PCDHGB7: variants seen among roughly 807,000 people sequenced by gnomAD.
PCDHGB7 encodes protocadherin gamma-B7.
Under a neutral mutation model 61.4 loss-of-function variants are expected in PCDHGB7, and 37 were observed. That is an observed-to-expected ratio of 0.60 (90% CI 0.46 to 0.79). The LOEUF (loss-of-function observed/expected upper bound fraction) is 0.79, where lower values mean the gene tolerates loss of function less well. PCDHGB7 is among the 30% of genes least tolerant of loss of function. The pLI is 0.00. For missense variants in PCDHGB7, 1,166 were observed against 1,202.5 expected, an observed-to-expected ratio of 0.97 and a Z score of 0.45; for synonymous variants, 464 against 503.5, an observed-to-expected ratio of 0.92 and a Z score of 1.05.
At position 141,476,242 on chromosome 5, in the gene PCDHGB7, G is replaced by A. The variant is rs369923405; in HGVS notation, c.2416-18565G>A. The A allele has an allele frequency of 6.2e-6, 10 of 1,614,100 alleles. No individual in the cohort carries two copies. The highest frequency in any genetic ancestry group is 8.5e-6 in the Non-Finnish European group (10 of 1,180,026). The stretch of plus-strand genomic sequence containing the variant: ...ACTATGAGATCCCGGAGGAAAGAGA[G>A]AAGGGTTTCGCTGTGGGCAACGTGG... On this transcript the variant is annotated intron_variant, in intron 1 of 3. Transcript: ENST00000398594. This position sits in a 1 kb window ranked among gnomAD's most constrained non-coding sequence, Gnocchi z 7.6.
chr5:141,438,583 CATACATACATATATAT>C (rs1183800202), intron 1 of PCDHGB7, among the ~76,000 whole-genome samples: 1 of 57,610 alleles, frequency 1.7e-5, no homozygotes, highest in African/African-American at 9.0e-5. Context: ...TACATACATA[CATACATACATATATAT>C]ATATATATAT....
rs2099750805 is a variant in PCDHGB7, at chr5:141,493,915, T to C, written c.2416-892T>C. ...TGCTCCATGAGAGTGTGTGATGGGA[T>C]AACACACCCCCTGGAAAGACCAGAA... On this transcript the variant is annotated intron_variant, in intron 1 of 3. Transcript: ENST00000398594. This position sits in a 1 kb window ranked among gnomAD's most constrained non-coding sequence, Gnocchi z 4.3. Among the ~76,000 whole-genome samples, 1 of 152,024 alleles carries C rather than the reference T, an allele frequency of 6.6e-6. No homozygotes were observed. Among genetic ancestry groups the C allele is most frequent in the African/African-American group, 2.4e-5 (1 of 41,386 alleles).
At chr5:141,484,392 T>G (rs1454201773) in intron 1 of PCDHGB7, among the ~76,000 whole-genome samples, 1 of 152,162 alleles carries the variant, frequency 6.6e-6, no homozygotes, top group African/African-American at 2.4e-5. Flanking sequence ...TAAGAAAGGT[T>G]TGGTTTCCGC....
intron 1 of PCDHGB7, among the ~76,000 whole-genome samples, chr5:141,449,753 C>T (rs1260240861): frequency 6.6e-6 from 1 of 151,246 alleles, no homozygotes; most frequent in East Asian, 1.9e-4. Context: ...ATTTTTATGA[C>T]ATTTGAGAGT....
intron 1 of PCDHGB7, among the ~76,000 whole-genome samples, chr5:141,473,195 C>T (rs1053769499): frequency 6.6e-6 from 1 of 152,104 alleles, no homozygotes; most frequent in African/African-American, 2.4e-5. Flanking sequence ...GTAAATGTAT[C>T]TTCTAAAAAA....
At chr5:141,471,046 C>CTTT (rs1170588345) in intron 1 of PCDHGB7, among the ~76,000 whole-genome samples, 3 of 113,252 alleles carry the variant, frequency 2.6e-5, no homozygotes, top group Non-Finnish European at 5.4e-5. Context: ...CCCAAGCCCT[C>CTTT]TTTTTTTTTT....
chr5:141,487,643 C>T lies in PCDHGB7; in HGVS notation c.2416-7164C>T. 1.2e-6 allele frequency: 2 copies of T among 1,614,104 alleles called. No homozygotes were observed. The highest frequency in any genetic ancestry group is 1.7e-6 in the Non-Finnish European group (2 of 1,179,986). Reference sequence around the variant, plus strand: ...GAGACCTTTGCAGGCTCAACAAATGCTTGAGGGTTATTCTGATCCAGGCAT... The same window carrying T: ...GAGACCTTTGCAGGCTCAACAAATGTTTGAGGGTTATTCTGATCCAGGCAT... On this transcript the variant is annotated intron_variant, in intron 1 of 3. Transcript: ENST00000398594. The surrounding 1 kb of genome is among the most constrained non-coding windows in gnomAD (Gnocchi z 5.0).
chr5:141,505,246 G>C, intron 2 of PCDHGB7, 147 bp from the exon 3 acceptor site: 2 of 1,436,674 alleles, frequency 1.4e-6, no homozygotes, highest in Non-Finnish European at 1.9e-6. Flanking sequence ...AAGGATTGTA[G>C]AAGTGCCTCC....
intron 1 of PCDHGB7, chr5:141,428,224 G>A (rs1232582892): frequency 1.7e-6 from 2 of 1,164,198 alleles, no homozygotes; most frequent in Non-Finnish European, 1.3e-6. Flanking sequence ...AGTCTTCGCA[G>A]ACAGCCTGCA....
At chr5:141,428,618 T>C (rs554092834) in intron 1 of PCDHGB7, 1 of 206,012 alleles carries the variant, frequency 4.9e-6, no homozygotes, top group African/African-American at 2.3e-5. Context: ...AATAACAAGA[T>C]AAGCTCTAAC....
chr5:141,460,791 C>A (rs2098997892), intron 1 of PCDHGB7, among the ~76,000 whole-genome samples: 1 of 151,666 alleles, frequency 6.6e-6, no homozygotes, highest in Non-Finnish European at 1.5e-5. Context: ...TATATACACA[C>A]AAAGTATATA....
At position 141,500,184 on chromosome 5, in the gene PCDHGB7, TTTTATTTATTTATTTA is replaced by T. The variant is rs58019021; in HGVS notation, c.2475-5182_2475-5167del. Among the ~76,000 whole-genome samples the T allele has an allele frequency of 2.1e-3, 289 of 135,964 alleles. 1 individual carries two copies. Among genetic ancestry groups the T allele is most frequent in the Middle Eastern group, 0.016 (4 of 248 alleles). The allele number at this position is 135,964 out of a possible 152,430, so 89.2% of individuals were successfully genotyped here. A position where few individuals can be genotyped will look rare whatever the true frequency, so the allele number is the denominator to read the frequency against. On this transcript the variant is annotated intron_variant, in intron 2 of 3. Coordinates refer to ENST00000398594, the MANE Select transcript of PCDHGB7 (RefSeq NM_018927.4). ...GAACATGCATGAGCTTCATTTTTAT[TTTTATTTATTTATTTA>T]TTTATTTATTTATTTATTTATTTAT...
chr5:141,476,597 G>C lies in PCDHGB7; in HGVS notation c.2416-18210G>C, dbSNP rs2099394582. On this transcript the variant is annotated intron_variant, in intron 1 of 3. Coordinates refer to ENST00000398594, the MANE Select transcript of PCDHGB7 (RefSeq NM_018927.4). The surrounding 1 kb of genome is among the most constrained non-coding windows in gnomAD (Gnocchi z 7.6). ...GCGCTTTCCGCTCGAGAGCGCGCAC[G>C]ATCCCGATGTGGGAAGCAACTCTTT... The C allele has an allele frequency of 1.2e-6, 2 of 1,614,112 alleles. No individual in the cohort carries two copies. The highest frequency in any genetic ancestry group is 1.7e-6 in the Non-Finnish European group (2 of 1,180,046).
Position 141,489,527 on chromosome 5 carries a change from G to A in PCDHGB7, c.2416-5280G>A. On this transcript the variant is annotated intron_variant, in intron 1 of 3. Coordinates refer to ENST00000398594, the MANE Select transcript of PCDHGB7 (RefSeq NM_018927.4). The surrounding 1 kb of genome is among the most constrained non-coding windows in gnomAD (Gnocchi z 4.5). The stretch of plus-strand genomic sequence containing the variant: ...CAAAAGATTGACCGAGAAAGCCTAT[G>A]TGGAGCCAGCACCAGCTGCCTGCTG... The A allele has an allele frequency of 1.9e-6, 3 of 1,614,152 alleles. No individual in the cohort carries two copies. Among genetic ancestry groups the A allele is most frequent in the East Asian group, 2.2e-5 (1 of 44,874 alleles).
chr5:141,479,574 T>A (rs1291334449), intron 1 of PCDHGB7: 1 of 152,228 alleles, frequency 6.6e-6, no homozygotes, highest in South Asian at 2.1e-4. Context: ...GGATGACATC[T>A]GTGAATAGCC....
In PCDHGB7 at chr5:141,486,341, C is replaced by T; in HGVS notation, c.2416-8466C>T. On this transcript the variant is annotated intron_variant, in intron 1 of 3. Coordinates refer to ENST00000398594, the MANE Select transcript of PCDHGB7 (RefSeq NM_018927.4). The surrounding 1 kb of genome is among the most constrained non-coding windows in gnomAD (Gnocchi z 5.0). ...AAACGGAGATGTGAGCCTCCGCATTCCTGACCACTTGCCATTTGCCCTCAA... is the reference window on the plus strand; with the variant it reads ...AAACGGAGATGTGAGCCTCCGCATTTCTGACCACTTGCCATTTGCCCTCAA... The T allele has an allele frequency of 6.2e-7, 1 of 1,614,128 alleles. No individual in the cohort carries two copies. Among genetic ancestry groups the T allele is most frequent in the Non-Finnish European group, 8.5e-7 (1 of 1,179,992 alleles).
chr5:141,451,676 G>A (rs1363843426), intron 1 of PCDHGB7, among the ~76,000 whole-genome samples: 1 of 152,142 alleles, frequency 6.6e-6, no homozygotes, highest in African/African-American at 2.4e-5. Flanking sequence ...GAGCCCAGGA[G>A]TTCAAGACCA....
chr5:141,491,138 C>T lies in PCDHGB7; in HGVS notation c.2416-3669C>T. The T allele has an allele frequency of 1.2e-6, 2 of 1,614,106 alleles. No individual in the cohort carries two copies. The highest frequency in any genetic ancestry group is 1.7e-6 in the Non-Finnish European group (2 of 1,179,962). On this transcript the variant is annotated intron_variant, in intron 1 of 3. Transcript: ENST00000398594. The surrounding 1 kb of genome is among the most constrained non-coding windows in gnomAD (Gnocchi z 6.9). ...ACTGGTGAGGTGCGCACAGCCCGGG[C>T]CTTACTGGAGGATGACTCTGACACC...
At chr5:141,481,606 C>T (rs2099540144) in intron 1 of PCDHGB7, among the ~76,000 whole-genome samples, 1 of 152,000 alleles carries the variant, frequency 6.6e-6, no homozygotes, top group South Asian at 2.1e-4. Context: ...TCACCTGAGG[C>T]CAGGAGTTCA....
Sources: allele counts gnomAD v4.1 joint callset (sites outside exome capture counted in the v4.1 genomes callset), GRCh38; gene constraint gnomAD v4.1.1; non-coding constraint Gnocchi (gnomAD v3.1); transcripts MANE v1.5; gene names NCBI Gene and HGNC (gene_info 2026-07-23, HGNC 2026-07-21).